The following PRKCB variants were observed in gnomAD, a reference collection of about 807,000 sequenced individuals.
PRKCB encodes the protein protein kinase C beta type.
Under a neutral mutation model 81.5 loss-of-function variants are expected in PRKCB, and 13 were observed. The observed-to-expected ratio is 0.16, with a 90% CI of 0.10 to 0.25. PRKCB has a LOEUF of 0.25. Ranked by LOEUF, PRKCB falls within the 10% of genes least tolerant of loss-of-function variation. The probability of loss-of-function intolerance (pLI) is 1.00; values close to 1 mark genes in which losing one functional copy is unlikely to be tolerated. For synonymous variants in PRKCB, 335 were observed against 321.4 expected, an observed-to-expected ratio of 1.04 and a Z score of -0.45; for missense variants, 509 against 875.7, an observed-to-expected ratio of 0.58 and a Z score of 5.29.
At chr16:23,836,645 A>C (rs1337342346) in intron 1 of PRKCB, among the ~76,000 whole-genome samples, 2 of 151,076 alleles carry the variant, frequency 1.3e-5, no homozygotes, top group East Asian at 2.0e-4. Flanking sequence ...CCACCTGACT[A>C]GGAGCGCGCG....
intron 16 of PRKCB, among the ~76,000 whole-genome samples, chr16:24,209,230 G>A (rs995666456): frequency 2.6e-5 from 4 of 152,092 alleles, no homozygotes; most frequent in Middle Eastern, 3.2e-3. Flanking sequence ...AAACACGCAC[G>A]GGTCTGCCTT....
intron 2 of PRKCB, among the ~76,000 whole-genome samples, chr16:23,868,136 C>G (rs913377451): frequency 2.0e-5 from 3 of 152,138 alleles, no homozygotes; most frequent in Non-Finnish European, 4.4e-5. Context: ...TAGCCATGGT[C>G]CACATCCATT....
chr16:24,167,284 C>T (rs1336353387), intron 10 of PRKCB, among the ~76,000 whole-genome samples: 1 of 152,088 alleles, frequency 6.6e-6, no homozygotes, highest in Non-Finnish European at 1.5e-5. Context: ...GATCATTTCA[C>T]CTCCTTTTCT....
At chr16:23,937,638 CCAA>C (rs1964081095) in intron 2 of PRKCB, among the ~76,000 whole-genome samples, 1 of 152,188 alleles carries the variant, frequency 6.6e-6, no homozygotes, top group South Asian at 2.1e-4. Flanking sequence ...GTCAACACCT[CCAA>C]CAAGATGGAA....
chr16:24,119,653 A>G (rs1966775404), intron 8 of PRKCB, among the ~76,000 whole-genome samples: 1 of 151,862 alleles, frequency 6.6e-6, no homozygotes. Flanking sequence ...CTTGGGGGTG[A>G]TGATTTAGGA....
intron 2 of PRKCB, among the ~76,000 whole-genome samples, chr16:23,985,125 T>C (rs1964788113): frequency 6.6e-6 from 1 of 152,170 alleles, no homozygotes; most frequent in Non-Finnish European, 1.5e-5. Flanking sequence ...GGAGTCTCGC[T>C]CTGTTGCCCA....
At chr16:24,134,191 C>T (rs923809313) in intron 9 of PRKCB, among the ~76,000 whole-genome samples, 2 of 152,154 alleles carry the variant, frequency 1.3e-5, no homozygotes, top group Non-Finnish European at 2.9e-5. Flanking sequence ...AACCACCATG[C>T]CCAGTCCAAA....
At chr16:23,980,342 T>G (rs1461483892) in intron 2 of PRKCB, among the ~76,000 whole-genome samples, 5 of 152,234 alleles carry the variant, frequency 3.3e-5, no homozygotes, top group Non-Finnish European at 7.3e-5. Context: ...TGCGGATAAG[T>G]CTGTGGGTCA....
intron 16 of PRKCB, among the ~76,000 whole-genome samples, chr16:24,199,950 C>G (rs758592074): frequency 6.6e-6 from 1 of 152,136 alleles, no homozygotes; most frequent in Non-Finnish European, 1.5e-5. Flanking sequence ...ATAACACCAT[C>G]GAATGGTGTC....
In PRKCB at chr16:24,026,858, G is replaced by A. The variant is rs535035144; in HGVS notation, c.289-5278G>A. 4.6e-5 allele frequency among the ~76,000 whole-genome samples: 7 copies of A among 152,258 alleles called. No individual in the cohort carries two copies. The South Asian group carries it at 8.3e-4, about 18-fold the overall frequency. On this transcript the variant is annotated intron_variant, in intron 3 of 16. Transcript: ENST00000643927. Reference sequence around the variant, plus strand: ...CAAGGATGCCTTTTAACCTCCATGCGAGCTCCACCACTGGGGTCTGGCCAA... The same window carrying A: ...CAAGGATGCCTTTTAACCTCCATGCAAGCTCCACCACTGGGGTCTGGCCAA...
At chr16:23,977,381 C>A (rs1055127445) in intron 2 of PRKCB, among the ~76,000 whole-genome samples, 3 of 152,120 alleles carry the variant, frequency 2.0e-5, no homozygotes, top group African/African-American at 7.2e-5. Context: ...CTGATGCCTG[C>A]CCACCACCCT....
intron 9 of PRKCB, among the ~76,000 whole-genome samples, chr16:24,127,632 G>C (rs983270729): frequency 1.3e-5 from 2 of 152,160 alleles, no homozygotes; most frequent in East Asian, 1.9e-4. Context: ...ATTGGGGTTG[G>C]GGGGTAGTGG....
At chr16:24,125,252 A>G (rs1386030813) in intron 9 of PRKCB, among the ~76,000 whole-genome samples, 1 of 152,224 alleles carries the variant, frequency 6.6e-6, no homozygotes, top group Non-Finnish European at 1.5e-5. Flanking sequence ...CCCTCCAATG[A>G]CTTTCCATCC....
intron 2 of PRKCB, among the ~76,000 whole-genome samples, chr16:23,901,396 G>A (rs532182667): frequency 1.3e-5 from 2 of 152,054 alleles, no homozygotes; most frequent in Non-Finnish European, 2.9e-5. Context: ...GGAGTATGTC[G>A]GCATTTAGAG....
chr16:23,967,142 G>A (rs1364211228), intron 2 of PRKCB, among the ~76,000 whole-genome samples: 2 of 152,088 alleles, frequency 1.3e-5, no homozygotes, highest in African/African-American at 2.4e-5. Flanking sequence ...GCAGCTGGTC[G>A]GATTTCAAGG....
rs142662137 is a variant in PRKCB, at chr16:24,213,639, T to C, written c.1864-1019T>C. ...CTCCTACTACTATTATACTATTAGG[T>C]TGTGGTTACCTCGTAGAGATACTGT... On this transcript the variant is annotated intron_variant, in intron 16 of 16. Transcript: ENST00000643927. Among the ~76,000 whole-genome samples the C allele has an allele frequency of 2.2e-3, 331 of 152,262 alleles. 7 individuals are homozygous for C. The East Asian group carries it at 0.05, about 23-fold the overall frequency.
In PRKCB at chr16:23,856,725, A is replaced by G. The variant is rs940063713; in HGVS notation, c.205+19319A>G. Among the ~76,000 whole-genome samples the G allele has an allele frequency of 3.3e-5, 5 of 152,182 alleles. No homozygotes were observed. The South Asian group carries it at 6.2e-4, about 19-fold the overall frequency. On this transcript the variant is annotated intron_variant, in intron 2 of 16. Coordinates refer to ENST00000643927, the MANE Select transcript of PRKCB (RefSeq NM_002738.7). ...CTTTTTGTAGAGATAGGGTCTCCCT[A>G]TGTTGCTCGGGCTGGTCTCAAACTC...
chr16:24,027,682 T>A (rs1031655465), intron 3 of PRKCB, among the ~76,000 whole-genome samples: 1 of 152,206 alleles, frequency 6.6e-6, no homozygotes, highest in African/African-American at 2.4e-5. Flanking sequence ...TGTAGCTCAT[T>A]AACAAGATAA....
intron 2 of PRKCB, among the ~76,000 whole-genome samples, chr16:23,840,880 A>G (rs1427704394): frequency 6.6e-6 from 1 of 152,102 alleles, no homozygotes; most frequent in East Asian, 1.9e-4. Flanking sequence ...ACTGCCTCAT[A>G]ATTTCTCCCT....
Sources: gnomAD v4.1 joint callset for allele counts (sites outside exome capture counted in the v4.1 genomes callset) on GRCh38, gnomAD v4.1.1 for gene constraint, MANE v1.5 for transcripts, NCBI Gene and HGNC (gene_info 2026-07-23, HGNC 2026-07-21) for gene names.